SEZ6L: variants seen among roughly 807,000 people sequenced by gnomAD.
SEZ6L encodes seizure related 6 homolog like.
Under a neutral mutation model 106.2 loss-of-function variants are expected in SEZ6L, and 37 were observed. The ratio of observed to expected loss-of-function variants is 0.35; its 90% CI spans 0.27 to 0.46. SEZ6L has a LOEUF of 0.46. SEZ6L is among the 20% of genes least tolerant of loss of function. The pLI is 1.00. For synonymous variants in SEZ6L, 541 were observed against 570.4 expected, an observed-to-expected ratio of 0.95 and a Z score of 0.73; for missense variants, 1,172 against 1,332.8, an observed-to-expected ratio of 0.88 and a Z score of 1.88.
intron 12 of SEZ6L, among the ~76,000 whole-genome samples, chr22:26,356,925 G>C (rs1230389990): frequency 3.3e-5 from 5 of 151,638 alleles, no homozygotes; most frequent in African/African-American, 7.3e-5. Flanking sequence ...AGTTCACAAG[G>C]GTCCAACACA....
chr22:26,211,739 G>A (rs545210706), intron 1 of SEZ6L, among the ~76,000 whole-genome samples: 15 of 143,404 alleles, frequency 1.0e-4, no homozygotes, highest in African/African-American at 3.9e-4. Context: ...GCAGGGTGAG[G>A]TGAGAGGATC....
intron 1 of SEZ6L, among the ~76,000 whole-genome samples, chr22:26,266,080 G>A (rs1360231221): frequency 6.6e-6 from 1 of 152,104 alleles, no homozygotes; most frequent in African/African-American, 2.4e-5. Context: ...CAAGGTTCTG[G>A]GTAGGACCAG....
intron 12 of SEZ6L, among the ~76,000 whole-genome samples, chr22:26,352,812 G>A (rs1421098405): frequency 6.6e-6 from 1 of 152,206 alleles, no homozygotes; most frequent in Non-Finnish European, 1.5e-5. Context: ...GTTGAAGACA[G>A]AGTATGGCCA....
intron 1 of SEZ6L, among the ~76,000 whole-genome samples, chr22:26,287,553 A>G (rs1414171130): frequency 6.6e-6 from 1 of 152,154 alleles, no homozygotes; most frequent in Non-Finnish European, 1.5e-5. Context: ...AAACAAGGCT[A>G]TTGGGGCAAG....
chr22:26,187,685 A>C (rs979322882), intron 1 of SEZ6L, among the ~76,000 whole-genome samples: 3 of 152,162 alleles, frequency 2.0e-5, no homozygotes, highest in African/African-American at 7.2e-5. Context: ...AATTTGGGCA[A>C]ATGATGATTA....
chr22:26,320,924 C>T (rs1363127152), intron 9 of SEZ6L, among the ~76,000 whole-genome samples: 1 of 152,112 alleles, frequency 6.6e-6, no homozygotes, highest in African/African-American at 2.4e-5. Flanking sequence ...GGACAGTCCC[C>T]ACCACAAAGA....
intron 1 of SEZ6L, among the ~76,000 whole-genome samples, chr22:26,247,477 T>C (rs80047270): frequency 6.6e-6 from 1 of 152,126 alleles, no homozygotes; most frequent in African/African-American, 2.4e-5. Context: ...AAGAAGGTCA[T>C]GTGGAAGATG....
chr22:26,294,560 T>C, intron 3 of SEZ6L, 135 bp downstream of exon 3: 1 of 795,250 alleles, frequency 1.3e-6, no homozygotes, highest in Non-Finnish European at 2.0e-6. Context: ...TTTAGCTGGG[T>C]TTTGGCGAAT....
intron 1 of SEZ6L, among the ~76,000 whole-genome samples, chr22:26,184,704 T>C (rs1438560636): frequency 1.3e-5 from 2 of 152,280 alleles, no homozygotes; most frequent in Non-Finnish European, 2.9e-5. Flanking sequence ...CCCCAAAGCA[T>C]GCGGATCATT....
intron 1 of SEZ6L, among the ~76,000 whole-genome samples, chr22:26,172,680 G>A (rs1442653994): frequency 6.6e-6 from 1 of 152,168 alleles, no homozygotes; most frequent in Non-Finnish European, 1.5e-5. Context: ...CAGCAGAATG[G>A]AGCTCCTCTC....
intron 1 of SEZ6L, among the ~76,000 whole-genome samples, chr22:26,190,859 A>G (rs777283730): frequency 6.6e-6 from 1 of 152,178 alleles, no homozygotes; most frequent in African/African-American, 2.4e-5. Context: ...TGAAAGACTC[A>G]TAAAGGAACT....
intron 1 of SEZ6L, among the ~76,000 whole-genome samples, chr22:26,223,645 C>T (rs1195991817): frequency 6.6e-6 from 1 of 152,132 alleles, no homozygotes; most frequent in Non-Finnish European, 1.5e-5. Flanking sequence ...TCAGTTTCCT[C>T]CTCCAAAATG....
intron 12 of SEZ6L, among the ~76,000 whole-genome samples, chr22:26,361,769 G>A (rs2083644136): frequency 6.6e-6 from 1 of 152,052 alleles, no homozygotes; most frequent in African/African-American, 2.4e-5. Flanking sequence ...TGCATCCTGA[G>A]CCCTTGGACA....
chr22:26,382,361 T>C lies in SEZ6L; in HGVS notation c.*2066T>C, dbSNP rs191420478. On this transcript the variant is annotated 3_prime_UTR_variant, in exon 17 of 17. Coordinates refer to ENST00000248933, the MANE Select transcript of SEZ6L (RefSeq NM_021115.5). ...GAAGAACTCTATGAATAATATTTGA[T>C]TTTACAACGTGTTATGGTTATGTGA... The C allele has an allele frequency of 1.8e-5, 3 of 170,706 alleles. No individual in the cohort carries two copies. The Admixed American group carries it at 1.8e-4, about 10-fold the overall frequency. The allele number at this position is 170,706 out of a possible 1,614,324, so 10.6% of individuals were successfully genotyped here. A position where few individuals can be genotyped will look rare whatever the true frequency, so the allele number is the denominator to read the frequency against.
intron 1 of SEZ6L, among the ~76,000 whole-genome samples, chr22:26,255,277 A>G (rs1381893045): frequency 6.6e-6 from 1 of 152,182 alleles, no homozygotes; most frequent in East Asian, 1.9e-4. Context: ...ATCTGCATTT[A>G]CAAACTTGCC....
intron 1 of SEZ6L, among the ~76,000 whole-genome samples, chr22:26,266,911 A>C (rs1397996871): frequency 6.6e-6 from 1 of 152,122 alleles, no homozygotes; most frequent in Non-Finnish European, 1.5e-5. Context: ...AATATGGGGG[A>C]AGAAGCACCT....
intron 1 of SEZ6L, among the ~76,000 whole-genome samples, chr22:26,246,745 T>G (rs1190722658): frequency 6.6e-6 from 1 of 152,248 alleles, no homozygotes; most frequent in East Asian, 1.9e-4. Context: ...AAATGTTTAT[T>G]GCATAGAATT....
intron 9 of SEZ6L, among the ~76,000 whole-genome samples, chr22:26,325,251 A>T (rs1194477507): frequency 6.6e-6 from 1 of 152,168 alleles, no homozygotes; most frequent in Non-Finnish European, 1.5e-5. Context: ...TATGGTGTGG[A>T]TACAGAGAGG....
At chr22:26,268,786 G>A (rs562338129) in intron 1 of SEZ6L, among the ~76,000 whole-genome samples, 7 of 152,252 alleles carry the variant, frequency 4.6e-5, no homozygotes, top group South Asian at 2.1e-4. Flanking sequence ...AATTTCTCCC[G>A]ACATTGCCAA....
Sources: gnomAD v4.1 joint callset for allele counts (sites outside exome capture counted in the v4.1 genomes callset) on GRCh38, gnomAD v4.1.1 for gene constraint, MANE v1.5 for transcripts, NCBI Gene and HGNC (gene_info 2026-07-23, HGNC 2026-07-21) for gene names.